The following PALS1 variants were observed in gnomAD, a reference collection of about 807,000 sequenced individuals.
PALS1 encodes protein PALS1.
PALS1 carries 31 observed loss-of-function variants against 78.9 expected under a neutral mutation model. That is an observed-to-expected ratio of 0.39 (90% CI 0.30 to 0.53). PALS1 has a LOEUF of 0.53. Ranked by LOEUF, PALS1 falls within the 20% of genes least tolerant of loss-of-function variation. PALS1 has a pLI of 0.67. For synonymous variants in PALS1, 276 were observed against 270.9 expected (o/e 1.02, Z -0.18); for missense variants, 704 against 826.5 (o/e 0.85, Z 1.82).
At chr14:67,294,689 T>C (rs1384619563) in intron 4 of PALS1, 1 of 152,112 alleles carries the variant, frequency 6.6e-6, no homozygotes, top group Non-Finnish European at 1.5e-5. Flanking sequence ...TTTTTTTTTT[T>C]TGAGATGGAG....
chr14:67,317,012 T>C, intron 10 of PALS1, 109 bp downstream of exon 10: 2 of 784,582 alleles, frequency 2.5e-6, no homozygotes, highest in Non-Finnish European at 4.1e-6. Flanking sequence ...GAAAGAGTGA[T>C]ACAAGAGGCA....
intron 8 of PALS1, among the ~76,000 whole-genome samples, chr14:67,307,981 C>T (rs1034587345): frequency 3.9e-5 from 6 of 152,020 alleles, no homozygotes; most frequent in Middle Eastern, 3.4e-3. Flanking sequence ...AACACAGGAA[C>T]AGAAAACCAA....
intron 13 of PALS1, 75 bp from the exon 14 acceptor site, chr14:67,323,615 AATATATATATAT>A: frequency 3.9e-6 from 1 of 258,784 alleles, no homozygotes; most frequent in Admixed American, 5.9e-5. Flanking sequence ...CCCTTAATCT[AATATATATATAT>A]ATATATATAT....
At chr14:67,242,950 C>G (rs993030193) in intron 1 of PALS1, among the ~76,000 whole-genome samples, 2 of 152,098 alleles carry the variant, frequency 1.3e-5, no homozygotes, top group African/African-American at 4.8e-5. Flanking sequence ...GTGGGTTTAG[C>G]TTTTACATGA....
At chr14:67,324,180 C>T (rs72717386) in intron 14 of PALS1, among the ~76,000 whole-genome samples, 4,421 of 152,228 alleles carry the variant, frequency 0.029, 86 homozygotes, top group Non-Finnish European at 0.036. Flanking sequence ...TCTTTTTATC[C>T]CACTGAAACT....
Position 67,296,585 on chromosome 14 carries a change from C to CAAAAAA in PALS1, c.576+3889_576+3894dup, listed in dbSNP as rs374329692. On this transcript the variant is annotated intron_variant, in intron 4 of 14. Coordinates refer to ENST00000261681, the MANE Select transcript of PALS1 (RefSeq NM_022474.4). ...TGGGCAACAGAGTGAAACTCTGTCT[C>CAAAAAA]AAAAAAAAAAAAAAAAAAAAAAAAA... is the stretch of plus-strand genomic sequence containing the variant. Among the ~76,000 whole-genome samples, 361 of 50,962 alleles carry CAAAAAA rather than the reference C, an allele frequency of 7.1e-3. 39 individuals are homozygous for CAAAAAA. The highest frequency in any genetic ancestry group is 0.013 in the African/African-American group (273 of 21,624). The allele number at this position is 50,962 out of a possible 152,430, so 33.4% of individuals were successfully genotyped here. A position where few individuals can be genotyped will look rare whatever the true frequency, so the allele number is the denominator to read the frequency against.
At chr14:67,321,662 T>C (rs1436083660) in intron 13 of PALS1, among the ~76,000 whole-genome samples, 1 of 152,196 alleles carries the variant, frequency 6.6e-6, no homozygotes, top group Non-Finnish European at 1.5e-5. Context: ...CCTGGGGATA[T>C]TGAATAAACT....
chr14:67,262,959 TA>T (rs903861262), intron 1 of PALS1, among the ~76,000 whole-genome samples: 3 of 152,050 alleles, frequency 2.0e-5, no homozygotes, highest in African/African-American at 4.8e-5. Flanking sequence ...CTAGTGCCTT[TA>T]AAAAAAACTT....
At position 67,289,201 on chromosome 14, in the gene PALS1, C is replaced by T. The variant is rs531959245; in HGVS notation, c.368-3310C>T. The stretch of plus-strand genomic sequence containing the variant: ...CAGGCTGGTCTCAAACTCCTGACTT[C>T]GTGTGATCCACCTGCCTCAGCCTCC... On this transcript the variant is annotated intron_variant, in intron 3 of 14. Coordinates refer to ENST00000261681, the MANE Select transcript of PALS1 (RefSeq NM_022474.4). Among the ~76,000 whole-genome samples the T allele has an allele frequency of 9.9e-5, 15 of 152,128 alleles. No homozygotes were observed. In the South Asian group the frequency reaches 2.7e-3, roughly 27 times the overall value.
At chr14:67,277,972 G>A (rs986075305) in intron 2 of PALS1, among the ~76,000 whole-genome samples, 3 of 151,832 alleles carry the variant, frequency 2.0e-5, no homozygotes, top group African/African-American at 7.3e-5. Context: ...AAGTTTTTGA[G>A]TGGTAACAGA....
intron 1 of PALS1, among the ~76,000 whole-genome samples, chr14:67,257,860 TACAC>T (rs571676441): frequency 1.4e-3 from 216 of 152,286 alleles, no homozygotes; most frequent in Non-Finnish European, 2.4e-3. Context: ...AATTTTGTGT[TACAC>T]AACTATACGT....
intron 12 of PALS1, 85 bp from the exon 13 acceptor site, chr14:67,320,972 T>C (rs1019460851): frequency 2.2e-5 from 24 of 1,103,474 alleles, no homozygotes; most frequent in Admixed American, 1.3e-4. Context: ...TGTTACAAAA[T>C]AGAAATTCTT....
chr14:67,294,821 C>G (rs956026304), intron 4 of PALS1: 18 of 151,974 alleles, frequency 1.2e-4, no homozygotes, highest in Admixed American at 1.1e-3. Flanking sequence ...TACAGGTGCC[C>G]GCCACCATAC....
intron 9 of PALS1, among the ~76,000 whole-genome samples, chr14:67,315,453 T>C (rs1245960025): frequency 6.6e-6 from 1 of 152,002 alleles, no homozygotes; most frequent in East Asian, 1.9e-4. Flanking sequence ...ATGTTTTGTA[T>C]TTTTAGTAGA....
At chr14:67,277,869 C>G (rs1030663088) in intron 2 of PALS1, among the ~76,000 whole-genome samples, 1 of 152,048 alleles carries the variant, frequency 6.6e-6, no homozygotes, top group African/African-American at 2.4e-5. Context: ...GAGAAAATGA[C>G]TGGTCTTAAG....
intron 1 of PALS1, among the ~76,000 whole-genome samples, chr14:67,259,204 CAT>C (rs138056498): frequency 0.049 from 7,416 of 151,940 alleles, 199 homozygotes; most frequent in East Asian, 0.057. Context: ...GTATATATAA[CAT>C]ATACACATGC....
chr14:67,264,241 G>C (rs1457294670), intron 1 of PALS1, among the ~76,000 whole-genome samples: 2 of 152,196 alleles, frequency 1.3e-5, no homozygotes, highest in Non-Finnish European at 2.9e-5. Context: ...GGGGATGACA[G>C]TGGTATTTAA....
intron 4 of PALS1, among the ~76,000 whole-genome samples, chr14:67,300,780 A>G (rs1187589512): frequency 1.3e-5 from 2 of 152,204 alleles, no homozygotes; most frequent in African/African-American, 2.4e-5. Flanking sequence ...AATGTAATCC[A>G]TTATATTATG....
At chr14:67,324,562 G>GT (rs1460770835) in intron 14 of PALS1, among the ~76,000 whole-genome samples, 15 of 151,278 alleles carry the variant, frequency 9.9e-5, no homozygotes, top group South Asian at 4.2e-4. Flanking sequence ...TCTTTTGATT[G>GT]TTTTTTTTGT....
Sources: gnomAD v4.1 joint callset for allele counts (sites outside exome capture counted in the v4.1 genomes callset) on GRCh38, gnomAD v4.1.1 for gene constraint, MANE v1.5 for transcripts, NCBI Gene and HGNC (gene_info 2026-07-23, HGNC 2026-07-21) for gene names.